The following HYAL4 variants were observed in gnomAD, a reference collection of about 807,000 sequenced individuals.
HYAL4 encodes the protein hyaluronidase-4.
HYAL4 carries 37 observed loss-of-function variants against 35.2 expected under a neutral mutation model. The ratio of observed to expected loss-of-function variants is 1.05; its 90% CI spans 0.81 to 1.38. The LOEUF (loss-of-function observed/expected upper bound fraction) is 1.38. Ranked by LOEUF, HYAL4 falls within the 40% of genes most tolerant of loss-of-function variation. The pLI is 0.00. For synonymous variants in HYAL4, 198 were observed against 203.2 expected, an observed-to-expected ratio of 0.97 and a Z score of 0.22; for missense variants, 572 against 572.4, an observed-to-expected ratio of 1.00 and a Z score of 0.01.
the HYAL4 span, among the ~76,000 whole-genome samples, chr7:123,789,723 G>A: frequency 6.6e-6 from 1 of 152,076 alleles, no homozygotes; most frequent in Non-Finnish European, 1.5e-5. Flanking sequence ...ATTAGTCAGA[G>A]TTCTCCTGAG....
intron 2 of HYAL4, among the ~76,000 whole-genome samples, chr7:123,867,387 G>A (rs1467188951): frequency 6.6e-6 from 1 of 152,128 alleles, no homozygotes; most frequent in African/African-American, 2.4e-5. Context: ...GGTCAGTTAG[G>A]CAATCATGAT....
chr7:123,846,551 C>T (rs1057013337), intron 1 of HYAL4, among the ~76,000 whole-genome samples: 3 of 152,242 alleles, frequency 2.0e-5, no homozygotes, highest in African/African-American at 7.2e-5. Context: ...AGACTGAGAA[C>T]TTGCCCCAGA....
the HYAL4 span, among the ~76,000 whole-genome samples, chr7:123,822,358 T>C: frequency 6.6e-6 from 1 of 152,158 alleles, no homozygotes; most frequent in African/African-American, 2.4e-5. Context: ...TCTTTCACTT[T>C]TTTGGTTAAG....
chr7:123,869,255 G>A lies in HYAL4; in HGVS notation c.954+28G>A, dbSNP rs768974095. On this transcript the variant is annotated intron_variant, in intron 3 of 4. Transcript: ENST00000223026. ...AAGAAGCTTCTTGTCCAATGGTGGG[G>A]GATTTCCTCCTTATCTCTAAAAGGA... The A allele has an allele frequency of 3.5e-6, 5 of 1,410,150 alleles. No homozygotes were observed. In the African/African-American group the frequency reaches 4.3e-5, roughly 12 times the overall value. 87.4% of individuals were successfully genotyped at this position (1,410,150 alleles called of 1,614,324 possible).
chr7:123,836,617 T>C (rs896205941), intron 1 of HYAL4, among the ~76,000 whole-genome samples: 5 of 148,536 alleles, frequency 3.4e-5, no homozygotes, highest in African/African-American at 1.2e-4. Context: ...AGTCCATACA[T>C]TGTGTTATTT....
Position 123,877,226 on chromosome 7 carries a change from T to A in HYAL4, c.*71T>A, listed in dbSNP as rs1584931027. On this transcript the variant is annotated 3_prime_UTR_variant, in exon 5 of 5. Coordinates refer to ENST00000223026, the MANE Select transcript of HYAL4 (RefSeq NM_012269.3). ...TTAAAGAAGGATGTAACTTATAACA[T>A]TTTTTTTCTCTTATGAATTCTATTG... 7.2e-7 allele frequency: 1 copy of A among 1,390,132 alleles called. No homozygotes were observed. The highest frequency in any genetic ancestry group is 2.3e-5 in the East Asian group (1 of 43,446). 86.1% of individuals were successfully genotyped at this position (1,390,132 alleles called of 1,614,324 possible). A position where few individuals can be genotyped will look rare whatever the true frequency, so the allele number is the denominator to read the frequency against.
At position 123,876,876 on chromosome 7, in the gene HYAL4, G is replaced by C; in HGVS notation, c.1167G>C (p.Arg389Ser). 1.9e-6 allele frequency: 3 copies of C among 1,614,210 alleles called. No homozygotes were observed. Among genetic ancestry groups the C allele is most frequent in the South Asian group, 2.2e-5 (2 of 91,082 alleles). ...HLCRNNGRCI[R>S]KMWNAPSYLH... is the part of the protein sequence containing the mutation. ...GCAGGAACAATGGCAGGTGCATAAG[G>C]AAGATGTGGAACGCGCCCAGTTACC... is the stretch of plus-strand genomic sequence containing the variant. The change falls in exon 5 of 5, where the codon AGG becomes AGC. Residue 389 changes from arginine to serine, a missense_variant. Physicochemically the swap from Arg to Ser is moderately radical, Grantham distance 110. Transcript: ENST00000223026.
At chr7:123,764,680 A>C in the HYAL4 span, among the ~76,000 whole-genome samples, 1 of 152,198 alleles carries the variant, frequency 6.6e-6, no homozygotes, top group Non-Finnish European at 1.5e-5. Flanking sequence ...TTTTCTGCTA[A>C]ATAATCTTGG....
chr7:123,843,296 T>A (rs1806105386), upstream of HYAL4, among the ~76,000 whole-genome samples: 1 of 152,048 alleles, frequency 6.6e-6, no homozygotes, highest in African/African-American at 2.4e-5. Flanking sequence ...GGGTTGAAAA[T>A]TCTTTTCTTT....
rs1251521170 is a variant in HYAL4 at position 123,875,796 on chromosome 7, C to T, written c.1044+946C>T. Reference sequence around the variant, plus strand: ...ACAATCTCTTCCATATTTCCAGATGCGGTTTGTTTATATTTCTATAATGTA... The same window carrying T: ...ACAATCTCTTCCATATTTCCAGATGTGGTTTGTTTATATTTCTATAATGTA... On this transcript the variant is annotated intron_variant, in intron 4 of 4. Coordinates refer to ENST00000223026, the MANE Select transcript of HYAL4 (RefSeq NM_012269.3). Among the ~76,000 whole-genome samples, 9 of 151,752 alleles carry T rather than the reference C, an allele frequency of 5.9e-5. No individual in the cohort carries two copies. In the East Asian group the frequency reaches 9.6e-4, roughly 16 times the overall value.
the HYAL4 span, among the ~76,000 whole-genome samples, chr7:123,782,534 C>T: frequency 1.3e-5 from 2 of 151,742 alleles, no homozygotes; most frequent in Admixed American, 1.3e-4. Context: ...AAAAAAAACC[C>T]TATAAAAGTA....
the HYAL4 span, among the ~76,000 whole-genome samples, chr7:123,804,857 T>C: frequency 1.3e-5 from 2 of 152,256 alleles, no homozygotes; most frequent in African/African-American, 4.8e-5. Flanking sequence ...AATAGATCTT[T>C]ATATCAGTGA....
the HYAL4 span, among the ~76,000 whole-genome samples, chr7:123,811,990 C>T: frequency 5.9e-5 from 9 of 151,970 alleles, no homozygotes; most frequent in Admixed American, 5.9e-4. Flanking sequence ...TACAGGTGCA[C>T]ACCACCACAC....
chr7:123,764,112 A>T, the HYAL4 span, among the ~76,000 whole-genome samples: 1 of 152,146 alleles, frequency 6.6e-6, no homozygotes, highest in African/African-American at 2.4e-5. Flanking sequence ...GCTACTGAGT[A>T]GCTGGGACTA....
the HYAL4 span, among the ~76,000 whole-genome samples, chr7:123,811,820 A>C: frequency 2.6e-5 from 4 of 151,936 alleles, no homozygotes; most frequent in African/African-American, 9.7e-5. Flanking sequence ...TTTACATCTA[A>C]GTATTTATAC....
the HYAL4 span, among the ~76,000 whole-genome samples, chr7:123,770,188 A>G: frequency 6.4e-4 from 98 of 152,114 alleles, no homozygotes; most frequent in East Asian, 0.014. Context: ...TAAGTGGGCT[A>G]TAAAAAAAAA....
At chr7:123,800,945 A>T in the HYAL4 span, among the ~76,000 whole-genome samples, 2 of 152,042 alleles carry the variant, frequency 1.3e-5, no homozygotes, top group East Asian at 3.9e-4. Context: ...ACAGGCGTGA[A>T]CCACTGTGCC....
the HYAL4 span, among the ~76,000 whole-genome samples, chr7:123,822,170 A>G: frequency 6.6e-6 from 1 of 151,854 alleles, no homozygotes; most frequent in African/African-American, 2.4e-5. Context: ...TTTGTTTTCT[A>G]TTTCTGTAAA....
At chr7:123,832,195 C>T (rs1805893787) in intron 1 of HYAL4, among the ~76,000 whole-genome samples, 1 of 152,028 alleles carries the variant, frequency 6.6e-6, no homozygotes, top group Non-Finnish European at 1.5e-5. Flanking sequence ...TTGTCCTCCA[C>T]CCATTTCCAT....
Sources: allele counts gnomAD v4.1 joint callset (sites outside exome capture counted in the v4.1 genomes callset), GRCh38; gene constraint gnomAD v4.1.1; transcripts MANE v1.5; gene names NCBI Gene and HGNC (gene_info 2026-07-23, HGNC 2026-07-21).